Variants in SPTB observed in about 807,000 individuals in gnomAD.
The protein encoded by SPTB is spectrin beta chain, erythrocytic.
Under a neutral mutation model 256.2 loss-of-function variants are expected in SPTB, and 45 were observed. The ratio of observed to expected loss-of-function variants is 0.18; its 90% confidence interval spans 0.14 to 0.23. SPTB has a LOEUF of 0.23. SPTB is among the 10% of genes least tolerant of loss of function. SPTB has a pLI of 1.00. For missense variants in SPTB, 2,715 were observed against 3,040.4 expected (o/e 0.89, Z 2.52); for synonymous variants, 1,231 against 1,243.1 (o/e 0.99, Z 0.21).
rs2083324811 is a variant in SPTB at position 64,823,194 on chromosome 14, C to CA, written c.-51-50_-51-49insT. 2 of 1,474,226 alleles carry CA rather than the reference C, an allele frequency of 1.4e-6. No individual in the cohort carries two copies. Among genetic ancestry groups the CA allele is most frequent in the Non-Finnish European group, 1.9e-6 (2 of 1,059,316 alleles). The allele number at this position is 1,474,226 out of a possible 1,614,324, so 91.3% of individuals were successfully genotyped here. Reference sequence around the variant, plus strand: ...AGGGTTATCTCTCTACCCCCTCGGACTTTTTCTCCGGGGAAACTTATTCGG... The same window carrying CA: ...AGGGTTATCTCTCTACCCCCTCGGACATTTTTCTCCGGGGAAACTTATTCGG... On this transcript the variant is annotated intron_variant, in intron 1 of 35. Coordinates refer to ENST00000644917, the MANE Select transcript of SPTB (RefSeq NM_001355436.2). This position sits in a 1 kb window ranked among gnomAD's most constrained non-coding sequence, Gnocchi z 6.5.
chr14:64,774,661 C>T lies in SPTB; in HGVS notation c.4843-134G>A, dbSNP rs2082330880. The T allele has an allele frequency of 1.0e-5, 13 of 1,305,078 alleles. No individual in the cohort carries two copies. In the South Asian group the frequency reaches 1.3e-4, roughly 13 times the overall value. 80.8% of individuals were successfully genotyped at this position (1,305,078 alleles called of 1,614,324 possible). A position where few individuals can be genotyped will look rare whatever the true frequency, so the allele number is the denominator to read the frequency against. ...TTGTGGGACACCCGCAGGAGAGCCA[C>T]ACATGCTTCCTTCCTGCCCTTCTGA... On this transcript the variant is annotated intron_variant, in intron 23 of 35. Transcript: ENST00000644917.
At chr14:64,861,482 C>T (rs1051613053) in intron 1 of SPTB, among the ~76,000 whole-genome samples, 3 of 152,160 alleles carry the variant, frequency 2.0e-5, no homozygotes, top group Non-Finnish European at 4.4e-5. Flanking sequence ...TACAGCAGGG[C>T]ACACACGTGG....
rs753141325 is a variant in SPTB at position 64,796,651 on chromosome 14, C to T, written c.1247G>A (p.Arg416Gln). The change falls in exon 11 of 36, where the codon CGG (arginine) becomes CAG (glutamine). Residue 416 changes from arginine to glutamine, a missense_variant. This residue lies in a region of SPTB where 416 missense variants were observed against 571.1 expected (regional missense o/e 0.73). Coordinates refer to ENST00000644917, the MANE Select transcript of SPTB (RefSeq NM_001355436.2). The surrounding 1 kb of genome is among the most constrained non-coding windows in gnomAD (Gnocchi z 4.1). ...GGCCAGTTGCTCTAGCTTCTCCTGC[C>T]GAATGAGCTCATTTCTCAGGGCCAG... ...RELALRNELI[R>Q]QEKLEQLARR... 12 of 1,614,174 alleles carry T rather than the reference C, an allele frequency of 7.4e-6. No individual in the cohort carries two copies. Among genetic ancestry groups the T allele is most frequent in the South Asian group, 1.1e-5 (1 of 91,084 alleles).
intron 7 of SPTB, among the ~76,000 whole-genome samples, chr14:64,801,079 A>C (rs1195483768): frequency 6.6e-6 from 1 of 152,252 alleles, no homozygotes; most frequent in Non-Finnish European, 1.5e-5. Flanking sequence ...TCCATCTCCA[A>C]ACAGACCAGG....
intron 27 of SPTB, among the ~76,000 whole-genome samples, chr14:64,770,085 T>C (rs770195429): frequency 6.6e-6 from 1 of 152,152 alleles, no homozygotes; most frequent in Admixed American, 6.5e-5. Flanking sequence ...AGACCACATA[T>C]TGTATGATTC....
In SPTB at chr14:64,749,771, C is replaced by T; in HGVS notation, c.6777-75G>A. The T allele has an allele frequency of 6.4e-7, 1 of 1,572,670 alleles. No individual in the cohort carries two copies. The highest frequency in any genetic ancestry group is 8.7e-7 in the Non-Finnish European group (1 of 1,152,546). ...CTGGGCAGAGGGCTGGCTCTGATCC[C>T]ACAATACCCTGAGCCGAACATCCAG... On this transcript the variant is annotated intron_variant, in intron 34 of 35. Transcript: ENST00000644917. This position sits in a 1 kb window ranked among gnomAD's most constrained non-coding sequence, Gnocchi z 4.7.
chr14:64,802,079 A>ATCAGG lies in SPTB; in HGVS notation c.566+142_566+146dup, dbSNP rs2082897662. The ATCAGG allele has an allele frequency of 2.2e-6, 2 of 910,790 alleles. No individual in the cohort carries two copies. The highest frequency in any genetic ancestry group is 3.5e-6 in the Non-Finnish European group (2 of 564,600). 56.4% of individuals were successfully genotyped at this position (910,790 alleles called of 1,614,324 possible). A position where few individuals can be genotyped will look rare whatever the true frequency, so the allele number is the denominator to read the frequency against. On this transcript the variant is annotated intron_variant, in intron 5 of 35. Transcript: ENST00000644917. The surrounding 1 kb of genome is among the most constrained non-coding windows in gnomAD (Gnocchi z 5.1). The stretch of plus-strand genomic sequence containing the variant: ...AATCCTGTATTCCAGGCCTCAAAGA[A>ATCAGG]TCAGGTCAGGACAGACTTTGCATCA...
At chr14:64,769,252 G>T in intron 28 of SPTB, 134 bp from the exon 29 acceptor site, 1 of 912,942 alleles carries the variant, frequency 1.1e-6, no homozygotes, top group Non-Finnish European at 1.8e-6. Context: ...CCAGCTGCTT[G>T]CCAGCTGTGT....
chr14:64,806,385 G>C lies in SPTB; in HGVS notation c.149-1295C>G, dbSNP rs1279134242. On this transcript the variant is annotated intron_variant, in intron 2 of 35. Coordinates refer to ENST00000644917, the MANE Select transcript of SPTB (RefSeq NM_001355436.2). The surrounding 1 kb of genome is among the most constrained non-coding windows in gnomAD (Gnocchi z 4.1). ...CTGGGGAGGGTACATGGCAGTGGAG[G>C]GGGAGATCACAGCCAGGACATACCT... is the stretch of plus-strand genomic sequence containing the variant. Among the ~76,000 whole-genome samples, 1 of 152,186 alleles carries C rather than the reference G, an allele frequency of 6.6e-6. No homozygotes were observed. Among genetic ancestry groups the C allele is most frequent in the Admixed American group, 6.5e-5 (1 of 15,278 alleles).
chr14:64,867,129 G>A (rs1333625740), intron 1 of SPTB, among the ~76,000 whole-genome samples: 3 of 152,176 alleles, frequency 2.0e-5, no homozygotes, highest in Admixed American at 6.5e-5. Flanking sequence ...GAATATAGAG[G>A]TGGAAGACAG....
chr14:64,767,449 C>T, intron 30 of SPTB, 97 bp from the exon 31 acceptor site: 2 of 1,527,906 alleles, frequency 1.3e-6, no homozygotes, highest in South Asian at 1.1e-5. Context: ...CCCCCACATG[C>T]CCTGACACTT....
chr14:64,762,877 A>G (rs575219640), intron 32 of SPTB, among the ~76,000 whole-genome samples: 1 of 152,278 alleles, frequency 6.6e-6, no homozygotes, highest in Admixed American at 6.5e-5. Context: ...CAGGCAGGGT[A>G]TGTTTATCCC....
rs560049087 is a variant in SPTB at position 64,806,749 on chromosome 14, T to C, written c.149-1659A>G. ...TCAAGGACAAGACTGATGGTCCCTATCCTTGAGGCAGACAGACTCTATTAT... is the reference window on the plus strand; with the variant it reads ...TCAAGGACAAGACTGATGGTCCCTACCCTTGAGGCAGACAGACTCTATTAT... On this transcript the variant is annotated intron_variant, in intron 2 of 35. Transcript: ENST00000644917. The surrounding 1 kb of genome is among the most constrained non-coding windows in gnomAD (Gnocchi z 4.1). 2.6e-5 allele frequency among the ~76,000 whole-genome samples: 4 copies of C among 152,246 alleles called. No homozygotes were observed. In the East Asian group the frequency reaches 7.7e-4, roughly 29 times the overall value.
Position 64,748,274 on chromosome 14 carries a change from C to G in SPTB, c.*1032G>C, listed in dbSNP as rs182169209. On this transcript the variant is annotated 3_prime_UTR_variant, in exon 36 of 36. Transcript: ENST00000644917. ...CAGCTGCAGACAGGATGCAATTGAGCATTTGGCTTTGGGATGCTTTACTGC... is the reference window on the plus strand; with the variant it reads ...CAGCTGCAGACAGGATGCAATTGAGGATTTGGCTTTGGGATGCTTTACTGC... 2 of 152,196 alleles carry G rather than the reference C, an allele frequency of 1.3e-5. No individual in the cohort carries two copies. Among genetic ancestry groups the G allele is most frequent in the Admixed American group, 1.3e-4 (2 of 15,298 alleles). The allele number at this position is 152,196 out of a possible 1,614,324, so 9.4% of individuals were successfully genotyped here.
intron 1 of SPTB, among the ~76,000 whole-genome samples, chr14:64,840,522 A>T (rs993414969): frequency 6.6e-6 from 1 of 152,238 alleles, no homozygotes; most frequent in Non-Finnish European, 1.5e-5. Context: ...TGTAAGATGC[A>T]ACCTCAGAAC....
chr14:64,752,871 G>C (rs1283005621), intron 33 of SPTB, among the ~76,000 whole-genome samples: 1 of 152,094 alleles, frequency 6.6e-6, no homozygotes, highest in South Asian at 2.1e-4. Context: ...ACTGCTGCTA[G>C]AAAGAGGAGG....
Position 64,803,697 on chromosome 14 carries a change from T to C in SPTB, c.384A>G (p.Val128=), listed in dbSNP as rs758003860. 2 of 1,614,064 alleles carry C rather than the reference T, an allele frequency of 1.2e-6. No individual in the cohort carries two copies. The highest frequency in any genetic ancestry group is 2.2e-5 in the East Asian group (1 of 44,886). ...KALQFLKEQR[V]HLENMGSHDI... ...CGTGGGAGCCCATGTTCTCCAGGTGTACACGCTGCTCCTTGAGGAACTGGA... is the reference window on the plus strand; with the variant it reads ...CGTGGGAGCCCATGTTCTCCAGGTGCACACGCTGCTCCTTGAGGAACTGGA... Residue 128 remains valine (V), a synonymous_variant, in exon 4 of 36, where the codon GTA becomes GTG. Transcript: ENST00000644917.
In SPTB at chr14:64,792,869, G is replaced by A. The variant is rs964471477; in HGVS notation, c.2666+128C>T. ...TTATGACTCCTAATGCCAGGACTTTGCAACAAAGGACATCCCAGGGCCTCT... is the reference window on the plus strand; with the variant it reads ...TTATGACTCCTAATGCCAGGACTTTACAACAAAGGACATCCCAGGGCCTCT... On this transcript the variant is annotated intron_variant, in intron 14 of 35. Transcript: ENST00000644917. The surrounding 1 kb of genome is among the most constrained non-coding windows in gnomAD (Gnocchi z 4.2). The A allele has an allele frequency of 1.5e-6, 2 of 1,317,442 alleles. No homozygotes were observed. The highest frequency in any genetic ancestry group is 1.1e-6 in the Non-Finnish European group (1 of 941,152). 81.6% of individuals were successfully genotyped at this position (1,317,442 alleles called of 1,614,324 possible).
At chr14:64,789,089 C>G (rs952007144) in intron 15 of SPTB, among the ~76,000 whole-genome samples, 5 of 152,136 alleles carry the variant, frequency 3.3e-5, no homozygotes, top group African/African-American at 1.2e-4. Context: ...GTGGCTCACA[C>G]CTGTAAATCA....
Sources: gnomAD v4.1 joint callset for allele counts (sites outside exome capture counted in the v4.1 genomes callset) on GRCh38, gnomAD v4.1.1 for gene constraint, gnomAD v4.1.1 regional missense constraint, Gnocchi (gnomAD v3.1) non-coding constraint, MANE v1.5 for transcripts, NCBI Gene and HGNC (gene_info 2026-07-23, HGNC 2026-07-21) for gene names.